MSRB3: variants seen among roughly 807,000 people sequenced by gnomAD.
MSRB3 encodes methionine sulfoxide reductase B3.
In MSRB3, 13 loss-of-function variants were observed where a neutral mutation model predicts 21.0. The observed-to-expected ratio is 0.62, with a 90% CI of 0.40 to 0.98. The LOEUF is 0.98. Ranked by LOEUF, MSRB3 falls within the 50% of genes least tolerant of loss-of-function variation. The pLI is 0.00. For synonymous variants in MSRB3, 87 were observed against 88.6 expected, an observed-to-expected ratio of 0.98 and a Z score of 0.10; for missense variants, 199 against 230.3, an observed-to-expected ratio of 0.86 and a Z score of 0.88.
chr12:65,465,208 G>C lies in MSRB3; in HGVS notation c.*1886G>C, dbSNP rs1419369703. ...CAGCTGCTTTATAACATTAAGTCTG[G>C]CGGAATGGATGTCACTGTGCACAAT... is the stretch of plus-strand genomic sequence containing the variant. On this transcript the variant is annotated 3_prime_UTR_variant, in exon 7 of 7. Transcript: ENST00000308259. 6.6e-6 allele frequency: 1 copy of C among 152,170 alleles called. No homozygotes were observed. The highest frequency in any genetic ancestry group is 2.4e-5 in the African/African-American group (1 of 41,428). 9.4% of individuals were successfully genotyped at this position (152,170 alleles called of 1,614,324 possible). A position where few individuals can be genotyped will look rare whatever the true frequency, so the allele number is the denominator to read the frequency against.
intron 4 of MSRB3, among the ~76,000 whole-genome samples, chr12:65,358,171 A>G (rs1218919399): frequency 6.6e-6 from 1 of 151,914 alleles, no homozygotes; most frequent in African/African-American, 2.4e-5. Context: ...AGACTAGAGT[A>G]CAATGGCATG....
In MSRB3 at chr12:65,354,368, A is replaced by G. The variant is rs181779709; in HGVS notation, c.264-14630A>G. Among the ~76,000 whole-genome samples, 34 of 152,136 alleles carry G rather than the reference A, an allele frequency of 2.2e-4. No homozygotes were observed. The East Asian group carries it at 3.7e-3, about 16-fold the overall frequency. ...CCCGTCACTTTCAGGTACACCAATC[A>G]GACGTAGATTTGGTCTTTTCACAGT... On this transcript the variant is annotated intron_variant, in intron 4 of 6. Transcript: ENST00000308259.
chr12:65,298,241 C>T (rs1006759248), intron 1 of MSRB3, among the ~76,000 whole-genome samples: 6 of 152,120 alleles, frequency 3.9e-5, no homozygotes, highest in Admixed American at 6.6e-5. Flanking sequence ...TGAGCTCAAG[C>T]GATCCTCCTG....
At chr12:65,381,766 T>A (rs574340204) in intron 5 of MSRB3, among the ~76,000 whole-genome samples, 1 of 152,032 alleles carries the variant, frequency 6.6e-6, no homozygotes, top group Admixed American at 6.5e-5. Context: ...TGCTTAATGA[T>A]TGCTAGTCTT....
intron 5 of MSRB3, among the ~76,000 whole-genome samples, chr12:65,440,210 A>G (rs1161069892): frequency 1.3e-5 from 2 of 151,810 alleles, no homozygotes; most frequent in East Asian, 3.9e-4. Context: ...CAAACATCCT[A>G]TATGAAAATA....
chr12:65,329,299 A>G (rs984420871), intron 4 of MSRB3, among the ~76,000 whole-genome samples: 2 of 152,316 alleles, frequency 1.3e-5, no homozygotes, highest in African/African-American at 2.4e-5. Flanking sequence ...TAGAAGCCCT[A>G]TGCTTCCCAT....
At chr12:65,461,632 A>T (rs1180562605) in intron 6 of MSRB3, among the ~76,000 whole-genome samples, 1 of 152,178 alleles carries the variant, frequency 6.6e-6, no homozygotes, top group Non-Finnish European at 1.5e-5. Flanking sequence ...GGAAACTAAG[A>T]TTCTAGTGCT....
At chr12:65,372,723 G>A (rs1284692952) in intron 5 of MSRB3, among the ~76,000 whole-genome samples, 1 of 152,176 alleles carries the variant, frequency 6.6e-6, no homozygotes, top group Non-Finnish European at 1.5e-5. Flanking sequence ...CAAATTTCAG[G>A]AGAAACATGC....
intron 5 of MSRB3, among the ~76,000 whole-genome samples, chr12:65,431,755 G>A (rs569835111): frequency 1.3e-5 from 2 of 152,024 alleles, no homozygotes; most frequent in African/African-American, 4.8e-5. Flanking sequence ...TACACACTCC[G>A]CTTATGTGCA....
At chr12:65,393,628 CGCAA>C (rs1193389850) in intron 5 of MSRB3, among the ~76,000 whole-genome samples, 4 of 81,190 alleles carry the variant, frequency 4.9e-5, no homozygotes, top group Non-Finnish European at 9.4e-5. Context: ...GAGACTCCGT[CGCAA>C]AAAAAAAAAA....
intron 5 of MSRB3, among the ~76,000 whole-genome samples, chr12:65,386,906 T>G (rs1011910019): frequency 2.6e-5 from 4 of 152,060 alleles, no homozygotes; most frequent in Non-Finnish European, 5.9e-5. Flanking sequence ...AGCAAAGACC[T>G]TTCATGTCAA....
At chr12:65,345,092 G>A (rs904551934) in intron 4 of MSRB3, among the ~76,000 whole-genome samples, 3 of 152,012 alleles carry the variant, frequency 2.0e-5, no homozygotes, top group Admixed American at 6.6e-5. Flanking sequence ...GTCTGAATGC[G>A]AGATTGGTGA....
intron 1 of MSRB3, chr12:65,279,106 G>A: frequency 7.2e-7 from 1 of 1,383,712 alleles, no homozygotes; most frequent in Non-Finnish European, 9.3e-7. Context: ...GCCGAAGGGA[G>A]GCGTCTGGCA....
chr12:65,305,988 C>T (rs141869565), intron 1 of MSRB3, among the ~76,000 whole-genome samples: 47 of 152,040 alleles, frequency 3.1e-4, no homozygotes, highest in African/African-American at 1.1e-3. Context: ...GGAGTTGTAC[C>T]AAGCACTTTT....
At chr12:65,461,423 G>A (rs1883325895) in intron 6 of MSRB3, among the ~76,000 whole-genome samples, 1 of 152,098 alleles carries the variant, frequency 6.6e-6, no homozygotes, top group Admixed American at 6.5e-5. Context: ...TGTTTTTTAG[G>A]CCTGTTTCAT....
At chr12:65,368,960 C>A (rs1375153347) in intron 4 of MSRB3, 38 bp from the exon 5 acceptor site, 9 of 657,168 alleles carry the variant, frequency 1.4e-5, no homozygotes, top group East Asian at 1.2e-4. Context: ...CTTTTACAAA[C>A]AGTTTTTATA....
intron 5 of MSRB3, among the ~76,000 whole-genome samples, chr12:65,393,525 G>C (rs1185564979): frequency 6.6e-6 from 1 of 151,376 alleles, no homozygotes; most frequent in African/African-American, 2.4e-5. Context: ...CCCAGCTACG[G>C]GAGGCTGAGG....
intron 1 of MSRB3, chr12:65,305,220 A>G (rs557969540): frequency 1.4e-4 from 21 of 151,876 alleles, no homozygotes; most frequent in African/African-American, 4.4e-4. Flanking sequence ...GGCGCCCACC[A>G]CCATGCCTGG....
chr12:65,434,449 C>T (rs1379496250), intron 5 of MSRB3, among the ~76,000 whole-genome samples: 1 of 151,918 alleles, frequency 6.6e-6, no homozygotes. Flanking sequence ...ATAATATGAA[C>T]TATCACCAAG....
Sources: gnomAD v4.1 joint callset for allele counts (sites outside exome capture counted in the v4.1 genomes callset) on GRCh38, gnomAD v4.1.1 for gene constraint, MANE v1.5 for transcripts, NCBI Gene and HGNC (gene_info 2026-07-23, HGNC 2026-07-21) for gene names.